Variants in GTF3C1 observed in about 807,000 individuals in gnomAD.
The protein encoded by GTF3C1 is general transcription factor IIIC subunit 1.
Under a neutral mutation model 226.7 loss-of-function variants are expected in GTF3C1, and 57 were observed. The observed-to-expected ratio is 0.25, with a 90% confidence interval of 0.20 to 0.31. The LOEUF (loss-of-function observed/expected upper bound fraction) is 0.31, where lower values mean the gene tolerates loss of function less well. Ranked by LOEUF, GTF3C1 falls within the 10% of genes least tolerant of loss-of-function variation. GTF3C1 has a pLI of 1.00. For missense variants in GTF3C1, 2,217 were observed against 2,776.1 expected, an observed-to-expected ratio of 0.80 and a Z score of 4.53; for synonymous variants, 1,090 against 1,084.8, an observed-to-expected ratio of 1.00 and a Z score of -0.09.
rs1351123484 is a variant in GTF3C1, at chr16:27,470,826, G to A, written c.4527-431C>T. ...GCAGTGCCTGGTGAGTCACTTCCCC[G>A]GCTCTGTCCAGAGAGCAACATTCCA... is the stretch of plus-strand genomic sequence containing the variant. On this transcript the variant is annotated intron_variant, in intron 30 of 36. Coordinates refer to ENST00000356183, the MANE Select transcript of GTF3C1 (RefSeq NM_001520.4). The surrounding 1 kb of genome is among the most constrained non-coding windows in gnomAD (Gnocchi z 4.9). 2.0e-5 allele frequency: 4 copies of A among 196,470 alleles called. No individual in the cohort carries two copies. Among genetic ancestry groups the A allele is most frequent in the South Asian group, 9.8e-5 (1 of 10,168 alleles). 12.2% of individuals were successfully genotyped at this position (196,470 alleles called of 1,614,324 possible).
intron 21 of GTF3C1, 46 bp downstream of exon 21, chr16:27,488,997 G>A: frequency 6.3e-7 from 1 of 1,580,568 alleles, no homozygotes; most frequent in Non-Finnish European, 8.7e-7. Context: ...AGGAGGGTGA[G>A]TAGCGAGGAC....
chr16:27,538,925 T>C (rs1375335451), intron 2 of GTF3C1, among the ~76,000 whole-genome samples: 1 of 150,562 alleles, frequency 6.6e-6, no homozygotes. Flanking sequence ...TTCCATATTC[T>C]TCATAGAACT....
chr16:27,489,535 G>A (rs2141375808), intron 20 of GTF3C1, 67 bp downstream of exon 20: 2 of 1,281,944 alleles, frequency 1.6e-6, no homozygotes, highest in Middle Eastern at 2.3e-4. Flanking sequence ...ACAAGGGCGG[G>A]CAGGCATCTG....
In GTF3C1 at chr16:27,470,550, G is replaced by A. The variant is rs912621825; in HGVS notation, c.4527-155C>T. On this transcript the variant is annotated intron_variant, in intron 30 of 36. Coordinates refer to ENST00000356183, the MANE Select transcript of GTF3C1 (RefSeq NM_001520.4). The surrounding 1 kb of genome is among the most constrained non-coding windows in gnomAD (Gnocchi z 4.9). ...TCTCTGTCCCATCCCAGATGAAGGT[G>A]CTGCATTCCCACCTAGCGGTGTTTG... 8.5e-5 allele frequency: 55 copies of A among 644,064 alleles called. No individual in the cohort carries two copies. The East Asian group carries it at 1.4e-3, about 17-fold the overall frequency. 39.9% of individuals were successfully genotyped at this position (644,064 alleles called of 1,614,324 possible). A position where few individuals can be genotyped will look rare whatever the true frequency, so the allele number is the denominator to read the frequency against.
rs915435948 is a variant in GTF3C1 at position 27,471,941 on chromosome 16, G to A, written c.4354-21C>T. On this transcript the variant is annotated intron_variant, in intron 29 of 36. Coordinates refer to ENST00000356183, the MANE Select transcript of GTF3C1 (RefSeq NM_001520.4). The surrounding 1 kb of genome is among the most constrained non-coding windows in gnomAD (Gnocchi z 5.0). ...AAAGTCTGCAACACAGGGCGGCGAG[G>A]GTGAGTAGGGTTCTCCAGCCGGCCA... 1.2e-6 allele frequency: 2 copies of A among 1,611,004 alleles called. No individual in the cohort carries two copies. Among genetic ancestry groups the A allele is most frequent in the Admixed American group, 3.3e-5 (2 of 59,982 alleles).
Position 27,463,937 on chromosome 16 carries a change from G to A in GTF3C1, c.5873-345C>T, listed in dbSNP as rs1016471714. 2.4e-6 allele frequency: 1 copy of A among 421,562 alleles called. No homozygotes were observed. The highest frequency in any genetic ancestry group is 2.1e-5 in the African/African-American group (1 of 48,086). 26.1% of individuals were successfully genotyped at this position (421,562 alleles called of 1,614,324 possible). A position where few individuals can be genotyped will look rare whatever the true frequency, so the allele number is the denominator to read the frequency against. ...ACCCCAAAGAAAACAAAAACGCCCA[G>A]AGAAGCCACATGAGAAGGCCGCTGC... On this transcript the variant is annotated intron_variant, in intron 34 of 36. Coordinates refer to ENST00000356183, the MANE Select transcript of GTF3C1 (RefSeq NM_001520.4). This position sits in a 1 kb window ranked among gnomAD's most constrained non-coding sequence, Gnocchi z 4.9.
intron 24 of GTF3C1, among the ~76,000 whole-genome samples, chr16:27,485,240 T>C (rs2088120265): frequency 6.6e-6 from 1 of 152,256 alleles, no homozygotes; most frequent in East Asian, 1.9e-4. Context: ...CTGCCTGGCC[T>C]GGCTGAGACC....
At chr16:27,508,851 C>T (rs2088528602) in intron 7 of GTF3C1, among the ~76,000 whole-genome samples, 196 bp from the exon 8 acceptor site, 1 of 152,174 alleles carries the variant, frequency 6.6e-6, no homozygotes, top group African/African-American at 2.4e-5. Flanking sequence ...CTATACTAGG[C>T]TAGTAATACT....
At position 27,465,399 on chromosome 16, in the gene GTF3C1, A is replaced by T. The variant is rs1024351630; in HGVS notation, c.5216T>A (p.Leu1739Gln). 6.8e-6 allele frequency: 11 copies of T among 1,614,030 alleles called. No individual in the cohort carries two copies. Among genetic ancestry groups the T allele is most frequent in the Non-Finnish European group, 6.8e-6 (8 of 1,180,026 alleles). Residue 1739 changes from leucine to glutamine, a missense_variant, in exon 33 of 37, where the codon CTG becomes CAG. Around this residue, in one of 12 missense-constraint regions of GTF3C1, gnomAD observed 455 missense variants for 441.9 expected, o/e 1.03. Coordinates refer to ENST00000356183, the MANE Select transcript of GTF3C1 (RefSeq NM_001520.4). ...LELSGYSPED[L>Q]TAALEILEAI... ...TTCCAAGATCTCCAAGGCAGCAGTC[A>T]GGTCTTCGGGACTATACCCAGACAG...
intron 4 of GTF3C1, among the ~76,000 whole-genome samples, chr16:27,536,297 CAA>C (rs1379031882): frequency 6.6e-6 from 1 of 152,130 alleles, no homozygotes; most frequent in Non-Finnish European, 1.5e-5. Context: ...TTTGGGGAGT[CAA>C]AAGTTATGTG....
At chr16:27,529,440 C>CAA (rs34170986) in intron 5 of GTF3C1, among the ~76,000 whole-genome samples, 16,367 of 110,778 alleles carry the variant, frequency 0.15, 1,078 homozygotes, top group Middle Eastern at 0.3. Flanking sequence ...GACTCTGTTT[C>CAA]AAAAAAAAAA....
chr16:27,535,220 G>A (rs1027072968), intron 4 of GTF3C1, among the ~76,000 whole-genome samples: 1 of 152,138 alleles, frequency 6.6e-6, no homozygotes, highest in Non-Finnish European at 1.5e-5. Flanking sequence ...TAATAACTTC[G>A]TAGCCACCTC....
chr16:27,536,347 C>T (rs527466416), intron 4 of GTF3C1, among the ~76,000 whole-genome samples: 1 of 152,278 alleles, frequency 6.6e-6, no homozygotes, highest in South Asian at 2.1e-4. Context: ...AATCCCAGCA[C>T]TTTGGGAGGC....
chr16:27,464,160 C>T (rs540984489), intron 34 of GTF3C1, 160 bp downstream of exon 34: 1 of 472,446 alleles, frequency 2.1e-6, no homozygotes, highest in East Asian at 3.5e-5. Context: ...CAGGCAGTAT[C>T]CTCCCCCTCA....
rs750610769 is a variant in GTF3C1 at position 27,469,576 on chromosome 16, C to T, written c.4815-26G>A. ...CTAGAAGGGAATTGTGACCTGGATA[C>T]CTGAGCATAGGCCAGCCAGTTGCTA... On this transcript the variant is annotated intron_variant, in intron 31 of 36. Coordinates refer to ENST00000356183, the MANE Select transcript of GTF3C1 (RefSeq NM_001520.4). This position sits in a 1 kb window ranked among gnomAD's most constrained non-coding sequence, Gnocchi z 4.5. 2 of 1,596,456 alleles carry T rather than the reference C, an allele frequency of 1.3e-6. No homozygotes were observed. Among genetic ancestry groups the T allele is most frequent in the East Asian group, 4.5e-5 (2 of 44,486 alleles).
chr16:27,464,427 G>A lies in GTF3C1; in HGVS notation c.5765C>T (p.Ala1922Val), dbSNP rs764407120. 5.6e-6 allele frequency: 9 copies of A among 1,602,774 alleles called. No individual in the cohort carries two copies. Among genetic ancestry groups the A allele is most frequent in the African/African-American group, 4.0e-5 (3 of 74,428 alleles). ...PPPALEDTAAAGAAQEDQEGV... is the reference protein window; with the variant it reads ...PPPALEDTAAVGAAQEDQEGV... ...CTCTTGGTCTTCCTGTGCTGCTCCC[G>A]CTGCAGCGGTGTCTTCAAGAGCTGG... is the stretch of plus-strand genomic sequence containing the variant. The change falls in exon 34 of 37, where the codon GCG becomes GTG. Residue 1922 changes from alanine to valine, a missense_variant. Coordinates refer to ENST00000356183, the MANE Select transcript of GTF3C1 (RefSeq NM_001520.4).
intron 6 of GTF3C1, 52 bp from the exon 7 acceptor site, chr16:27,511,953 G>C (rs751034171): frequency 6.3e-7 from 1 of 1,599,326 alleles, no homozygotes; most frequent in Non-Finnish European, 8.5e-7. Flanking sequence ...AGTGCTGCGT[G>C]GGGGAGGTGA....
chr16:27,462,529 A>C lies in GTF3C1; in HGVS notation c.5925-43T>G, dbSNP rs1176537649. 1 of 1,504,982 alleles carries C rather than the reference A, an allele frequency of 6.6e-7. No homozygotes were observed. The allele number at this position is 1,504,982 out of a possible 1,614,324, so 93.2% of individuals were successfully genotyped here. On this transcript the variant is annotated intron_variant, in intron 35 of 36. Coordinates refer to ENST00000356183, the MANE Select transcript of GTF3C1 (RefSeq NM_001520.4). The surrounding 1 kb of genome is among the most constrained non-coding windows in gnomAD (Gnocchi z 4.5). ...GACATCAGGGCTTGGTGGGGGCAGG[A>C]GGGCAGCTCGTCCAGACAGAACACT...
At chr16:27,487,141 ACAC>A (rs1196813084) in intron 23 of GTF3C1, among the ~76,000 whole-genome samples, 5 of 152,224 alleles carry the variant, frequency 3.3e-5, no homozygotes, top group Non-Finnish European at 4.4e-5. Flanking sequence ...ACTCGAAGTG[ACAC>A]CACCACATTT....
Sources: gnomAD v4.1 joint callset for allele counts (sites outside exome capture counted in the v4.1 genomes callset) on GRCh38, gnomAD v4.1.1 for gene constraint, gnomAD v4.1.1 regional missense constraint, Gnocchi (gnomAD v3.1) non-coding constraint, MANE v1.5 for transcripts, NCBI Gene and HGNC (gene_info 2026-07-23, HGNC 2026-07-21) for gene names.